The following EDARADD variants were observed in gnomAD, a reference collection of about 807,000 sequenced individuals.
The protein encoded by EDARADD is ectodysplasin-A receptor-associated adapter protein.
A neutral mutation model predicts 25.6 loss-of-function variants in EDARADD; 20 were observed. That is an observed-to-expected ratio of 0.78 (90% CI 0.55 to 1.14). EDARADD has a LOEUF of 1.14. EDARADD is among the 50% of genes most tolerant of loss of function. The pLI, the probability that EDARADD is intolerant of heterozygous loss-of-function variation, is 0.00. For synonymous variants in EDARADD, 86 were observed against 94.4 expected (o/e 0.91, Z 0.52); for missense variants, 225 against 270.1 (o/e 0.83, Z 1.17).
intron 4 of EDARADD, among the ~76,000 whole-genome samples, chr1:236,448,387 G>A (rs1374045242): frequency 2.0e-5 from 3 of 152,196 alleles, no homozygotes; most frequent in African/African-American, 7.2e-5. Flanking sequence ...AAGGCCTGCT[G>A]GGCTGAAGTT....
intron 3 of EDARADD, among the ~76,000 whole-genome samples, chr1:236,387,198 G>A (rs1667368274): frequency 1.0e-5 from 1 of 96,848 alleles, no homozygotes; most frequent in Non-Finnish European, 2.3e-5. Flanking sequence ...GGGAGGTGGG[G>A]GGGGTCAGCC....
rs1659268700 is a variant in EDARADD, at chr1:236,468,215, G to T, written c.220-16G>T. 12 of 1,612,244 alleles carry T rather than the reference G, an allele frequency of 7.4e-6. No homozygotes were observed. Among genetic ancestry groups the T allele is most frequent in the Middle Eastern group, 1.7e-4 (1 of 6,058 alleles). Reference sequence around the variant, plus strand: ...TTTGGATATGATTTTAATGAAGGTTGCTTTTTGGTTTTTAGGGAGAAGAAA... The same window carrying T: ...TTTGGATATGATTTTAATGAAGGTTTCTTTTTGGTTTTTAGGGAGAAGAAA... On this transcript the variant is annotated splice_polypyrimidine_tract_variant and intron_variant, in intron 4 of 5. Coordinates refer to ENST00000334232, the MANE Select transcript of EDARADD (RefSeq NM_145861.4).
At position 236,395,325 on chromosome 1, in the gene EDARADD, T is replaced by C. The variant is rs1198312757; in HGVS notation, c.61+820T>C. Reference sequence around the variant, plus strand: ...CGCCCGGGACACTCGGGGCCCCGCCTTGCGTCCCAGCCCCGGGTCGCGGCA... The same window carrying C: ...CGCCCGGGACACTCGGGGCCCCGCCCTGCGTCCCAGCCCCGGGTCGCGGCA... On this transcript the variant is annotated intron_variant, in intron 1 of 5. Coordinates refer to ENST00000334232, the MANE Select transcript of EDARADD (RefSeq NM_145861.4). The surrounding 1 kb of genome is among the most constrained non-coding windows in gnomAD (Gnocchi z 6.9). The C allele has an allele frequency of 7.8e-7, 1 of 1,287,946 alleles. No homozygotes were observed. Among genetic ancestry groups the C allele is most frequent in the Non-Finnish European group, 9.9e-7 (1 of 1,012,680 alleles). The allele number at this position is 1,287,946 out of a possible 1,614,324, so 79.8% of individuals were successfully genotyped here.
intron 3 of EDARADD, among the ~76,000 whole-genome samples, chr1:236,371,866 C>A (rs1362915504): frequency 6.6e-6 from 1 of 151,614 alleles, no homozygotes; most frequent in African/African-American, 2.4e-5. Flanking sequence ...GCCACCGGGC[C>A]CAGTCGTAGA....
intron 3 of EDARADD, among the ~76,000 whole-genome samples, chr1:236,358,359 A>G (rs985513288): frequency 6.6e-6 from 1 of 152,234 alleles, no homozygotes; most frequent in Non-Finnish European, 1.5e-5. Flanking sequence ...AACTAAATTC[A>G]TTATGAGTTT....
chr1:236,365,311 G>A (rs675964), intron 3 of EDARADD, among the ~76,000 whole-genome samples: 52,172 of 151,664 alleles, frequency 0.34, 9,228 homozygotes, highest in African/African-American at 0.42. Flanking sequence ...CCACAGGCAC[G>A]TGCCACCACA....
intron 3 of EDARADD, among the ~76,000 whole-genome samples, chr1:236,368,104 T>A (rs57459418): frequency 1.5e-3 from 230 of 152,238 alleles, no homozygotes; most frequent in African/African-American, 5.3e-3. Context: ...AGTGAGACCC[T>A]GTCTCAAATA....
At chr1:236,457,595 C>T (rs913741345) in intron 4 of EDARADD, among the ~76,000 whole-genome samples, 14 of 151,698 alleles carry the variant, frequency 9.2e-5, no homozygotes, top group Non-Finnish European at 1.9e-4. Flanking sequence ...CTGAGGGGGG[C>T]GGACGAAGAG....
chr1:236,437,827 C>T (rs571273341), intron 4 of EDARADD, among the ~76,000 whole-genome samples: 7 of 149,458 alleles, frequency 4.7e-5, no homozygotes, highest in South Asian at 2.1e-4. Flanking sequence ...CAGCCCACTG[C>T]GACCTTTGCC....
At chr1:236,368,075 A>G (rs1667130727) in intron 3 of EDARADD, among the ~76,000 whole-genome samples, 1 of 152,152 alleles carries the variant, frequency 6.6e-6, no homozygotes, top group Non-Finnish European at 1.5e-5. Context: ...GAGACACTGC[A>G]TTGCAGCCTG....
At chr1:236,455,070 C>T (rs568254499) in intron 4 of EDARADD, among the ~76,000 whole-genome samples, 83 of 152,076 alleles carry the variant, frequency 5.5e-4, no homozygotes, top group East Asian at 3.3e-3. Context: ...ATTAGCTGGG[C>T]GTGGTGGCGG....
rs147249573 is a variant in EDARADD, at chr1:236,482,323, C to T, written c.322C>T (p.Arg108Trp). The T allele has an allele frequency of 4.7e-5, 76 of 1,613,986 alleles. No individual in the cohort carries two copies. The highest frequency in any genetic ancestry group is 3.3e-4 in the Middle Eastern group (2 of 6,084). ...ENCTCSSCLL[R>W]APTISDLLND... Reference sequence around the variant, plus strand: ...CTGTACTTGTTCCTCCTGCTTGCTCCGGGCCCCCACCATAAGTGACTTGCT... The same window carrying T: ...CTGTACTTGTTCCTCCTGCTTGCTCTGGGCCCCCACCATAAGTGACTTGCT... The change falls in exon 6 of 6, where the codon CGG (arginine) becomes TGG (tryptophan). Residue 108 changes from arginine (R) to tryptophan (W), a missense_variant. By Grantham distance (101) the Arg-to-Trp change is moderately radical (BLOSUM62 -3). Coordinates refer to ENST00000334232, the MANE Select transcript of EDARADD (RefSeq NM_145861.4).
intron 4 of EDARADD, among the ~76,000 whole-genome samples, chr1:236,445,086 T>C (rs1200953367): frequency 6.6e-6 from 1 of 152,136 alleles, no homozygotes; most frequent in African/African-American, 2.4e-5. Flanking sequence ...CCTGCCACTC[T>C]GCCATAATCA....
At chr1:236,364,843 T>C (rs965628310) in intron 3 of EDARADD, among the ~76,000 whole-genome samples, 20 of 152,220 alleles carry the variant, frequency 1.3e-4, no homozygotes, top group African/African-American at 4.8e-4. Context: ...AATAACAGTT[T>C]TAATTTCTTT....
At chr1:236,397,085 G>A (rs1667529496) in intron 1 of EDARADD, among the ~76,000 whole-genome samples, 1 of 152,070 alleles carries the variant, frequency 6.6e-6, no homozygotes, top group Non-Finnish European at 1.5e-5. Flanking sequence ...GATGGGGGCT[G>A]GGAAACAGCT....
chr1:236,441,153 ACTTAT>A (rs1658386468), intron 4 of EDARADD, among the ~76,000 whole-genome samples: 3 of 151,686 alleles, frequency 2.0e-5, no homozygotes, highest in African/African-American at 4.8e-5. Context: ...CTTATCTTAT[ACTTAT>A]CTTATTGCTG....
intron 3 of EDARADD, among the ~76,000 whole-genome samples, chr1:236,358,298 A>G (rs1558099588): frequency 1.3e-5 from 2 of 152,236 alleles, no homozygotes; most frequent in African/African-American, 4.8e-5. Flanking sequence ...TATTTTATGG[A>G]ATGAACTGTT....
chr1:236,389,268 CCA>C (rs1467655158), intron 3 of EDARADD, among the ~76,000 whole-genome samples: 1 of 152,144 alleles, frequency 6.6e-6, no homozygotes, highest in African/African-American at 2.4e-5. Context: ...CTCTGCACAG[CCA>C]CACTTTTTCA....
intron 2 of EDARADD, among the ~76,000 whole-genome samples, chr1:236,410,324 C>T (rs1190787502): frequency 6.6e-6 from 1 of 151,996 alleles, no homozygotes; most frequent in Admixed American, 6.6e-5. Context: ...TTAGCTCCCA[C>T]TTATAAGTGA....
Sources: gnomAD v4.1 joint callset for allele counts (sites outside exome capture counted in the v4.1 genomes callset) on GRCh38, gnomAD v4.1.1 for gene constraint, Gnocchi (gnomAD v3.1) non-coding constraint, MANE v1.5 for transcripts, NCBI Gene and HGNC (gene_info 2026-07-23, HGNC 2026-07-21) for gene names.